ZBTB20: variants seen among roughly 807,000 people sequenced by gnomAD.
The protein encoded by ZBTB20 is zinc finger and BTB domain-containing protein 20.
ZBTB20 carries 9 observed loss-of-function variants against 56.9 expected under a neutral mutation model. The observed-to-expected ratio is 0.16, with a 90% confidence interval of 0.10 to 0.28. ZBTB20 has a LOEUF of 0.28. Ranked by LOEUF, ZBTB20 falls within the 10% of genes least tolerant of loss-of-function variation. The probability of loss-of-function intolerance (pLI) is 1.00; values close to 1 mark genes in which losing one functional copy is unlikely to be tolerated. For synonymous variants in ZBTB20, 417 were observed against 420.7 expected, an observed-to-expected ratio of 0.99 and a Z score of 0.11; for missense variants, 655 against 1,003.0, an observed-to-expected ratio of 0.65 and a Z score of 4.69.
chr3:114,635,826 A>G (rs1484445302), intron 6 of ZBTB20, among the ~76,000 whole-genome samples: 1 of 152,092 alleles, frequency 6.6e-6, no homozygotes, highest in Non-Finnish European at 1.5e-5. Context: ...AAGTGAATCA[A>G]TAAACACATT....
chr3:114,748,424 CTT>C (rs1202243564), intron 5 of ZBTB20, among the ~76,000 whole-genome samples: 3 of 148,736 alleles, frequency 2.0e-5, no homozygotes, highest in Admixed American at 1.4e-4. Context: ...CTCTCTCTCT[CTT>C]TCTCTTTCTT....
intron 1 of ZBTB20, among the ~76,000 whole-genome samples, chr3:115,074,374 C>T (rs2082521037): frequency 6.6e-6 from 1 of 152,108 alleles, no homozygotes; most frequent in Admixed American, 6.6e-5. Context: ...ATGAGCTCAA[C>T]ACAGTACCTG....
At chr3:114,810,146 T>G (rs2072413507) in intron 4 of ZBTB20, among the ~76,000 whole-genome samples, 1 of 152,234 alleles carries the variant, frequency 6.6e-6, no homozygotes, top group South Asian at 2.1e-4. Context: ...TTTTTGATTT[T>G]TACTTTCCAT....
intron 1 of ZBTB20, among the ~76,000 whole-genome samples, chr3:115,074,036 C>T (rs1576714269): frequency 6.6e-6 from 1 of 152,138 alleles, no homozygotes; most frequent in Non-Finnish European, 1.5e-5. Context: ...CAATCAATCA[C>T]TAGATCCTGT....
chr3:114,416,039 C>G (rs2088512586), intron 7 of ZBTB20, among the ~76,000 whole-genome samples: 1 of 152,016 alleles, frequency 6.6e-6, no homozygotes, highest in South Asian at 2.1e-4. Context: ...AAACAGAAGT[C>G]TGCTTCCATT....
intron 6 of ZBTB20, chr3:114,582,111 T>C (rs897111531): frequency 8.5e-5 from 13 of 152,194 alleles, no homozygotes; most frequent in African/African-American, 3.1e-4. Context: ...GCTTGTTCTT[T>C]ACCTTTTGTT....
At chr3:114,924,120 A>G (rs568633895) in intron 3 of ZBTB20, among the ~76,000 whole-genome samples, 1 of 152,294 alleles carries the variant, frequency 6.6e-6, no homozygotes, top group African/African-American at 2.4e-5. Flanking sequence ...GTAAATTGGT[A>G]TAGCCATTAT....
At chr3:115,083,087 C>A (rs892472491) in intron 1 of ZBTB20, among the ~76,000 whole-genome samples, 1 of 151,924 alleles carries the variant, frequency 6.6e-6, no homozygotes, top group Admixed American at 6.6e-5. Context: ...ATGCAAAAAC[C>A]AAGGCAATTA....
intron 4 of ZBTB20, among the ~76,000 whole-genome samples, chr3:114,834,750 G>A (rs145472253): frequency 0.012 from 1,787 of 152,076 alleles, 21 homozygotes; most frequent in South Asian, 0.026. Context: ...ACCCAGACCC[G>A]CCCATGGCAA....
chr3:115,120,388 A>T (rs2084150499), intron 1 of ZBTB20, among the ~76,000 whole-genome samples: 1 of 152,128 alleles, frequency 6.6e-6, no homozygotes, highest in African/African-American at 2.4e-5. Context: ...TAGATCTTGT[A>T]TAAAGTCTCA....
intron 5 of ZBTB20, among the ~76,000 whole-genome samples, chr3:114,719,628 T>C (rs557284100): frequency 5.3e-5 from 8 of 152,226 alleles, no homozygotes; most frequent in Non-Finnish European, 7.4e-5. Context: ...AACAGAACCA[T>C]ATCACGTAAG....
At chr3:114,776,859 AG>A (rs1336621844) in intron 5 of ZBTB20, among the ~76,000 whole-genome samples, 2 of 152,210 alleles carry the variant, frequency 1.3e-5, no homozygotes, top group Admixed American at 1.3e-4. Context: ...AGAGTGCACA[AG>A]GGCATTCAAC....
chr3:114,942,012 T>C lies in ZBTB20; in HGVS notation c.-456+32354A>G, dbSNP rs534850284. ...AAAAGTACTGTCTATGCCTAGTTATTCACTACTATCACAAGATATACATAA... is the reference window on the plus strand; with the variant it reads ...AAAAGTACTGTCTATGCCTAGTTATCCACTACTATCACAAGATATACATAA... On this transcript the variant is annotated intron_variant, in intron 3 of 11. Coordinates refer to ENST00000675478, the MANE Select transcript of ZBTB20 (RefSeq NM_001348800.3). Among the ~76,000 whole-genome samples the C allele has an allele frequency of 3.8e-4, 56 of 146,364 alleles. 3 individuals carry two copies. The highest frequency in any genetic ancestry group is 6.4e-4 in the South Asian group (3 of 4,694).
chr3:114,439,188 A>C (rs1189328295), intron 7 of ZBTB20, among the ~76,000 whole-genome samples: 1 of 152,066 alleles, frequency 6.6e-6, no homozygotes, highest in Non-Finnish European at 1.5e-5. Flanking sequence ...ATTTATTTAA[A>C]AACAACAACA....
At chr3:114,908,513 A>G (rs776879787) in intron 3 of ZBTB20, among the ~76,000 whole-genome samples, 2 of 151,976 alleles carry the variant, frequency 1.3e-5, no homozygotes, top group Non-Finnish European at 2.9e-5. Flanking sequence ...AAACAAATCC[A>G]CTTTTGCAGG....
intron 4 of ZBTB20, among the ~76,000 whole-genome samples, chr3:114,848,920 T>C (rs1455358424): frequency 6.6e-6 from 1 of 152,198 alleles, no homozygotes; most frequent in Non-Finnish European, 1.5e-5. Flanking sequence ...GAGTGGACCT[T>C]AATGACAAAG....
At chr3:114,354,270 C>A (rs903614896) in intron 10 of ZBTB20, among the ~76,000 whole-genome samples, 1 of 152,178 alleles carries the variant, frequency 6.6e-6, no homozygotes, top group African/African-American at 2.4e-5. Context: ...AAACAATAAG[C>A]AGTAAAACTG....
intron 3 of ZBTB20, among the ~76,000 whole-genome samples, chr3:114,970,047 T>C (rs1269867727): frequency 6.6e-6 from 1 of 152,224 alleles, no homozygotes; most frequent in African/African-American, 2.4e-5. Context: ...TAAGTGTTTT[T>C]GTCATTCCGT....
intron 6 of ZBTB20, among the ~76,000 whole-genome samples, chr3:114,557,741 T>G (rs1227810364): frequency 6.6e-6 from 1 of 152,020 alleles, no homozygotes; most frequent in Non-Finnish European, 1.5e-5. Flanking sequence ...TTTTCACCTG[T>G]AATTGCATAC....
Sources: gnomAD v4.1 joint callset for allele counts (sites outside exome capture counted in the v4.1 genomes callset) on GRCh38, gnomAD v4.1.1 for gene constraint, MANE v1.5 for transcripts, NCBI Gene and HGNC (gene_info 2026-07-23, HGNC 2026-07-21) for gene names.